FAM124A: variants seen among roughly 807,000 people sequenced by gnomAD.
The protein encoded by FAM124A is protein FAM124A.
A neutral mutation model predicts 24.5 loss-of-function variants in FAM124A; 23 were observed. The ratio of observed to expected loss-of-function variants is 0.94; its 90% CI spans 0.68 to 1.33. The LOEUF (loss-of-function observed/expected upper bound fraction) is 1.33, where lower values mean the gene tolerates loss of function less well. Ranked by LOEUF, FAM124A falls within the 40% of genes most tolerant of loss-of-function variation. The probability of loss-of-function intolerance (pLI) is 0.00; values close to 1 mark genes in which losing one functional copy is unlikely to be tolerated. For missense variants in FAM124A, 623 were observed against 722.8 expected (o/e 0.86, Z 1.58); for synonymous variants, 287 against 314.7 (o/e 0.91, Z 0.93).
intron 3 of FAM124A, among the ~76,000 whole-genome samples, chr13:51,277,572 A>G (rs745591817): frequency 1.3e-5 from 2 of 152,218 alleles, no homozygotes; most frequent in Non-Finnish European, 2.9e-5. Flanking sequence ...AGGCGGGTGG[A>G]CCACGAGGTC....
At chr13:51,277,560 C>A (rs1320584800) in intron 3 of FAM124A, among the ~76,000 whole-genome samples, 3 of 152,158 alleles carry the variant, frequency 2.0e-5, no homozygotes, top group Non-Finnish European at 1.5e-5. Context: ...TTTGGGAGGC[C>A]GAGGCGGGTG....
intron 3 of FAM124A, among the ~76,000 whole-genome samples, chr13:51,262,621 CCATT>C (rs1382791307): frequency 2.7e-4 from 41 of 152,310 alleles, no homozygotes; most frequent in Admixed American, 2.4e-3. Flanking sequence ...AACCTCCTTC[CCATT>C]CAAACGGAAG....
In FAM124A at chr13:51,280,545, A is replaced by C. The variant is rs1593614957; in HGVS notation, c.930A>C (p.Val310=). The stretch of plus-strand genomic sequence containing the variant: ...CCACTCCTTTGCCGAGCACTGCTGT[A>C]CCAAGCCATACACCTGGCAGCAGCC... ...RHSTPLPSTA[V]PSHTPGSSQQ... The change falls in exon 4 of 4, where the codon GTA becomes GTC. Residue 310 remains valine, a synonymous_variant. Transcript: ENST00000322475. 6.2e-7 allele frequency: 1 copy of C among 1,613,894 alleles called. No individual in the cohort carries two copies. Among genetic ancestry groups the C allele is most frequent in the Non-Finnish European group, 8.5e-7 (1 of 1,179,986 alleles).
chr13:51,256,770 C>G (rs58934553), intron 3 of FAM124A, among the ~76,000 whole-genome samples: 2 of 152,082 alleles, frequency 1.3e-5, no homozygotes, highest in South Asian at 4.1e-4. Context: ...TATTGTGCAA[C>G]CATCACCACC....
At chr13:51,268,580 G>C (rs1046936462) in intron 3 of FAM124A, among the ~76,000 whole-genome samples, 2 of 152,140 alleles carry the variant, frequency 1.3e-5, no homozygotes, top group African/African-American at 4.8e-5. Context: ...GCAGGATCAG[G>C]GTCCTGTAGC....
In FAM124A at chr13:51,229,477, T is replaced by C. The variant is rs141137468; in HGVS notation, c.69-1871T>C. ...GTTGCACTTTAAGATTCTTGAACTA[T>C]GTTTCAAGTGTAAATTTCATTCTAC... On this transcript the variant is annotated intron_variant, in intron 1 of 3. Coordinates refer to ENST00000322475, the MANE Select transcript of FAM124A (RefSeq NM_001242312.2). 5.1e-3 allele frequency among the ~76,000 whole-genome samples: 776 copies of C among 152,348 alleles called. 4 individuals are homozygous for C. The highest frequency in any genetic ancestry group is 0.018 in the African/African-American group (739 of 41,582).
At chr13:51,270,789 T>C (rs1368841181) in intron 3 of FAM124A, among the ~76,000 whole-genome samples, 1 of 152,238 alleles carries the variant, frequency 6.6e-6, no homozygotes, top group Non-Finnish European at 1.5e-5. Context: ...TGAGTCTTTG[T>C]CCTGTGGGCG....
intron 2 of FAM124A, among the ~76,000 whole-genome samples, chr13:51,233,556 C>T (rs1253516067): frequency 3.2e-5 from 4 of 124,168 alleles, no homozygotes; most frequent in Non-Finnish European, 5.1e-5. Context: ...CGGGGTGGGG[C>T]GGGTAGGGGG....
At chr13:51,222,655 C>T in intron 1 of FAM124A, 86 bp downstream of exon 1, 2 of 1,162,890 alleles carry the variant, frequency 1.7e-6, no homozygotes, top group Non-Finnish European at 1.1e-6. Flanking sequence ...CCTCCTGATC[C>T]GTGCGACGGG....
At chr13:51,247,732 C>T (rs1273173135) in intron 2 of FAM124A, among the ~76,000 whole-genome samples, 1 of 152,164 alleles carries the variant, frequency 6.6e-6, no homozygotes. Flanking sequence ...TTAGCAAAGT[C>T]GCATGTCTCC....
At chr13:51,276,215 C>T (rs562238082) in intron 3 of FAM124A, among the ~76,000 whole-genome samples, 1 of 152,184 alleles carries the variant, frequency 6.6e-6, no homozygotes, top group East Asian at 1.9e-4. Context: ...CGGGGTGAAG[C>T]TAGGGAGGCT....
At chr13:51,259,467 A>T (rs1954710756) in intron 3 of FAM124A, among the ~76,000 whole-genome samples, 2 of 151,746 alleles carry the variant, frequency 1.3e-5, no homozygotes, top group Non-Finnish European at 2.9e-5. Flanking sequence ...GGTACCTCCC[A>T]TGCTTGCCTC....
chr13:51,256,160 T>C (rs1354623122), intron 3 of FAM124A, among the ~76,000 whole-genome samples: 1 of 152,104 alleles, frequency 6.6e-6, no homozygotes, highest in African/African-American at 2.4e-5. Flanking sequence ...TGACTTGGGG[T>C]CCCCTAAAAC....
At chr13:51,226,247 C>T (rs1438370541) in intron 1 of FAM124A, among the ~76,000 whole-genome samples, 1 of 152,014 alleles carries the variant, frequency 6.6e-6, no homozygotes, top group African/African-American at 2.4e-5. Context: ...AGTCCTTCCA[C>T]CTTGGCCTCC....
At chr13:51,245,947 G>A (rs1954552985) in intron 2 of FAM124A, among the ~76,000 whole-genome samples, 1 of 152,136 alleles carries the variant, frequency 6.6e-6, no homozygotes, top group Non-Finnish European at 1.5e-5. Context: ...AAATGCCCAG[G>A]CTAATAGTAC....
rs748234457 is a variant in FAM124A at position 51,272,021 on chromosome 13, A to T, written c.835-8429A>T. 2.0e-5 allele frequency among the ~76,000 whole-genome samples: 3 copies of T among 152,078 alleles called. No homozygotes were observed. Among genetic ancestry groups the T allele is most frequent in the Non-Finnish European group, 2.9e-5 (2 of 68,038 alleles). The stretch of plus-strand genomic sequence containing the variant: ...TTTCGTAATCCATTTTTATTATGTC[A>T]AGTAGTCGGGGCTCACTTTTCTCTG... On this transcript the variant is annotated intron_variant, in intron 3 of 3. Coordinates refer to ENST00000322475, the MANE Select transcript of FAM124A (RefSeq NM_001242312.2). This position sits in a 1 kb window ranked among gnomAD's most constrained non-coding sequence, Gnocchi z 4.2.
intron 2 of FAM124A, among the ~76,000 whole-genome samples, chr13:51,242,821 C>T (rs1739798547): frequency 6.6e-6 from 1 of 151,990 alleles, no homozygotes; most frequent in African/African-American, 2.4e-5. Flanking sequence ...ATTAGACATC[C>T]ACATCGCTGA....
intron 1 of FAM124A, chr13:51,227,182 G>T (rs1282381590): frequency 6.6e-6 from 1 of 152,138 alleles, no homozygotes; most frequent in Admixed American, 6.5e-5. Context: ...TAAGTAATTT[G>T]ATCATTCAGA....
intron 3 of FAM124A, among the ~76,000 whole-genome samples, chr13:51,279,032 A>G (rs1954911375): frequency 6.6e-6 from 1 of 152,206 alleles, no homozygotes. Context: ...GACTTTGAAG[A>G]CAGAAGTTAC....
Sources: gnomAD v4.1 joint callset for allele counts (sites outside exome capture counted in the v4.1 genomes callset) on GRCh38, gnomAD v4.1.1 for gene constraint, Gnocchi (gnomAD v3.1) non-coding constraint, MANE v1.5 for transcripts, NCBI Gene and HGNC (gene_info 2026-07-23, HGNC 2026-07-21) for gene names.